The following TBCK variants were observed in gnomAD, a reference collection of about 807,000 sequenced individuals.
The protein encoded by TBCK is TBC1 domain containing kinase, also known as TBC domain-containing protein kinase-like protein.
TBCK carries 99 observed loss-of-function variants against 113.4 expected under a neutral mutation model. That is an observed-to-expected ratio of 0.87 (90% CI 0.74 to 1.03). The LOEUF is 1.03. Ranked by LOEUF, TBCK falls within the 50% of genes least tolerant of loss-of-function variation. The probability of loss-of-function intolerance (pLI) is 0.00; values close to 1 mark genes in which losing one functional copy is unlikely to be tolerated. For synonymous variants in TBCK, 369 were observed against 370.8 expected (o/e 1.00, Z 0.05); for missense variants, 1,045 against 1,061.3 (o/e 0.98, Z 0.21).
chr4:106,127,883 A>G (rs113967950), intron 23 of TBCK, among the ~76,000 whole-genome samples: 99 of 152,316 alleles, frequency 6.5e-4, no homozygotes, highest in African/African-American at 2.3e-3. Context: ...AAATTGAAAA[A>G]GTGCCCCAGG....
chr4:106,233,131 T>C (rs1393026727), intron 16 of TBCK, 67 bp from the exon 17 acceptor site: 2 of 1,387,976 alleles, frequency 1.4e-6, no homozygotes, highest in Non-Finnish European at 2.0e-6. Context: ...CCTTAATCCT[T>C]GTTCATTAAA....
At chr4:106,064,839 GTC>G (rs910278314) in intron 25 of TBCK, among the ~76,000 whole-genome samples, 1 of 151,898 alleles carries the variant, frequency 6.6e-6, no homozygotes, top group African/African-American at 2.4e-5. Context: ...ACCCATCACT[GTC>G]TCTAGAGTTG....
chr4:106,245,492 T>C (rs1189139047), intron 10 of TBCK, among the ~76,000 whole-genome samples: 1 of 152,142 alleles, frequency 6.6e-6, no homozygotes. Context: ...TAGTCAGTCC[T>C]ACAATTTAGG....
chr4:106,109,695 C>T (rs1010350992), intron 24 of TBCK, among the ~76,000 whole-genome samples: 11 of 152,146 alleles, frequency 7.2e-5, no homozygotes, highest in African/African-American at 2.7e-4. Flanking sequence ...CTAGGCAATA[C>T]CATCCTAAAC....
intron 16 of TBCK, 108 bp downstream of exon 16, chr4:106,233,480 G>A: frequency 1.3e-6 from 1 of 793,940 alleles, no homozygotes; most frequent in Non-Finnish European, 2.1e-6. Flanking sequence ...TATGTATGCA[G>A]CAGTGTCTCT....
chr4:106,085,695 A>G (rs1246652492), intron 25 of TBCK, among the ~76,000 whole-genome samples: 3 of 152,226 alleles, frequency 2.0e-5, no homozygotes, highest in Admixed American at 6.5e-5. Context: ...ATTCAACCAC[A>G]TAATTGGAAG....
chr4:106,270,340 T>A (rs1763366854), intron 3 of TBCK, among the ~76,000 whole-genome samples: 1 of 152,172 alleles, frequency 6.6e-6, no homozygotes, highest in Non-Finnish European at 1.5e-5. Flanking sequence ...CATCAATGTT[T>A]TCTTCTCCTA....
intron 12 of TBCK, chr4:106,238,769 G>A (rs998835500): frequency 6.6e-6 from 1 of 152,140 alleles, no homozygotes; most frequent in Admixed American, 6.6e-5. Flanking sequence ...GCATTGTGAT[G>A]TCCTCAAAGC....
chr4:106,169,802 T>C (rs774758542), intron 23 of TBCK, among the ~76,000 whole-genome samples: 25 of 152,118 alleles, frequency 1.6e-4, no homozygotes, highest in Non-Finnish European at 1.3e-4. Flanking sequence ...TGCTACTTAA[T>C]GGTCCCATCT....
chr4:106,209,484 ATTAT>A (rs1219349248), intron 20 of TBCK, among the ~76,000 whole-genome samples: 1 of 152,188 alleles, frequency 6.6e-6, no homozygotes, highest in African/African-American at 2.4e-5. Flanking sequence ...CTTAATAAGA[ATTAT>A]TTCTTAGATA....
intron 25 of TBCK, among the ~76,000 whole-genome samples, chr4:106,069,292 T>A (rs1737070104): frequency 6.6e-6 from 1 of 152,236 alleles, no homozygotes. Flanking sequence ...AATATTTAAG[T>A]CTTTCATCCA....
chr4:106,120,741 C>T (rs991437416), intron 23 of TBCK, among the ~76,000 whole-genome samples: 1 of 152,182 alleles, frequency 6.6e-6, no homozygotes, highest in Non-Finnish European at 1.5e-5. Context: ...TCTAACAGAC[C>T]TGTAGCTGAG....
chr4:106,173,820 C>A (rs1751309490), intron 22 of TBCK, among the ~76,000 whole-genome samples: 1 of 148,864 alleles, frequency 6.7e-6, no homozygotes, highest in Admixed American at 6.6e-5. Context: ...TGCACAATTA[C>A]TCCTACAAAG....
intron 24 of TBCK, among the ~76,000 whole-genome samples, chr4:106,095,927 C>T (rs183330947): frequency 6.6e-6 from 1 of 152,238 alleles, no homozygotes; most frequent in Non-Finnish European, 1.5e-5. Flanking sequence ...AATAACTACA[C>T]TTAAAGAGGT....
In TBCK at chr4:106,044,381, A is replaced by C. The variant is rs1174846071; in HGVS notation, c.*2189T>G. 1 of 152,232 alleles carries C rather than the reference A, an allele frequency of 6.6e-6. No homozygotes were observed. The highest frequency in any genetic ancestry group is 2.4e-5 in the African/African-American group (1 of 41,452). 9.4% of individuals were successfully genotyped at this position (152,232 alleles called of 1,614,324 possible). On this transcript the variant is annotated 3_prime_UTR_variant, in exon 26 of 26. Transcript: ENST00000394708. The stretch of plus-strand genomic sequence containing the variant: ...TAGACAATGGCCCAAAAACAATGTT[A>C]GTGAAATCTTGGTATATATTTGTTC...
At chr4:106,062,692 T>A (rs1011956993) in intron 25 of TBCK, among the ~76,000 whole-genome samples, 29 of 151,812 alleles carry the variant, frequency 1.9e-4, no homozygotes, top group African/African-American at 7.0e-4. Context: ...TGGTGGGCTG[T>A]GGAGTACAGG....
intron 14 of TBCK, 113 bp from the exon 15 acceptor site, chr4:106,235,480 A>C (rs1431724795): frequency 9.2e-6 from 5 of 546,374 alleles, no homozygotes; most frequent in Non-Finnish European, 1.5e-5. Context: ...AATAAATTTC[A>C]AAGTATGTGC....
At chr4:106,274,062 G>A (rs1763771544) in intron 3 of TBCK, among the ~76,000 whole-genome samples, 1 of 152,120 alleles carries the variant, frequency 6.6e-6, no homozygotes, top group South Asian at 2.1e-4. Context: ...GAAATTCCAA[G>A]GGTTTTTGAA....
rs1353904149 is a variant in TBCK, at chr4:106,232,813, AATC to A, written c.1639+122_1639+124del. The A allele has an allele frequency of 5.8e-5, 52 of 898,318 alleles. No homozygotes were observed. In the East Asian group the frequency reaches 1.2e-3, roughly 22 times the overall value. 55.6% of individuals were successfully genotyped at this position (898,318 alleles called of 1,614,324 possible). ...TTGGATGTAAACCTCTCAAAAAATG[AATC>A]AGAGCGTCAATATTGACTTTCCCCA... On this transcript the variant is annotated intron_variant, in intron 17 of 25. Coordinates refer to ENST00000394708, the MANE Select transcript of TBCK (RefSeq NM_001163435.3).
Sources: allele counts gnomAD v4.1 joint callset (sites outside exome capture counted in the v4.1 genomes callset), GRCh38; gene constraint gnomAD v4.1.1; transcripts MANE v1.5; gene names NCBI Gene and HGNC (gene_info 2026-07-23, HGNC 2026-07-21).